The following FAM91A1 variants were observed in gnomAD, a reference collection of about 807,000 sequenced individuals.
The protein encoded by FAM91A1 is family with sequence similarity 91 member A1.
A neutral mutation model predicts 113.5 loss-of-function variants in FAM91A1; 41 were observed. The ratio of observed to expected loss-of-function variants is 0.36; its 90% CI spans 0.28 to 0.47. The LOEUF is 0.47. FAM91A1 is among the 20% of genes least tolerant of loss of function. The pLI is 1.00. For missense variants in FAM91A1, 696 were observed against 1,001.2 expected (o/e 0.70, Z 4.11); for synonymous variants, 307 against 347.9 (o/e 0.88, Z 1.31).
chr8:123,810,853 G>A (rs902622606), intron 23 of FAM91A1: 1 of 162,906 alleles, frequency 6.1e-6, no homozygotes, highest in African/African-American at 2.4e-5. Flanking sequence ...ATATTTTGGA[G>A]TTTTACTTCA....
chr8:123,774,559 CAT>C (rs1197345386), intron 2 of FAM91A1, among the ~76,000 whole-genome samples: 20 of 151,932 alleles, frequency 1.3e-4, no homozygotes, highest in Non-Finnish European at 2.4e-4. Context: ...ACATTTTAAA[CAT>C]AGTTCATTCC....
intron 8 of FAM91A1, among the ~76,000 whole-genome samples, chr8:123,784,265 CTG>C (rs1255626212): frequency 1.3e-5 from 2 of 152,164 alleles, no homozygotes; most frequent in Admixed American, 6.5e-5. Context: ...TAAATGAACT[CTG>C]TGGATTTCGT....
At chr8:123,795,601 T>C (rs1815498329) in intron 15 of FAM91A1, among the ~76,000 whole-genome samples, 1 of 152,216 alleles carries the variant, frequency 6.6e-6, no homozygotes, top group Non-Finnish European at 1.5e-5. Context: ...CATGAGCCAA[T>C]TAAACCTGTT....
intron 14 of FAM91A1, chr8:123,788,262 A>G (rs1372006408): frequency 1.0e-6 from 1 of 983,324 alleles, no homozygotes; most frequent in Non-Finnish European, 1.2e-6. Flanking sequence ...GTACAGCCCT[A>G]GTTTTCCTTA....
intron 3 of FAM91A1, among the ~76,000 whole-genome samples, chr8:123,776,773 A>G (rs1814993269): frequency 6.6e-6 from 1 of 152,204 alleles, no homozygotes; most frequent in African/African-American, 2.4e-5. Context: ...TATTGGAGAA[A>G]CAGATTGGGG....
rs1391097150 is a variant in FAM91A1 at position 123,785,015 on chromosome 8, A to G, written c.811-66A>G. On this transcript the variant is annotated intron_variant, in intron 9 of 23. Transcript: ENST00000334705. ...TTGCTGATTATGATTATATTGGTCT[A>G]TTACAACTGTGTAATGTGCTGTTAA... 4.0e-6 allele frequency: 5 copies of G among 1,239,378 alleles called. No homozygotes were observed. In the African/African-American group the frequency reaches 6.1e-5, roughly 15 times the overall value. The allele number at this position is 1,239,378 out of a possible 1,614,324, so 76.8% of individuals were successfully genotyped here.
chr8:123,798,594 C>T (rs1299990064), intron 16 of FAM91A1, among the ~76,000 whole-genome samples: 1 of 151,860 alleles, frequency 6.6e-6, no homozygotes, highest in Non-Finnish European at 1.5e-5. Context: ...CTGAATAAGC[C>T]GAAAAGAAAA....
At chr8:123,805,196 AT>A (rs1815772994) in intron 18 of FAM91A1, 70 bp from the exon 19 acceptor site, 2 of 1,201,438 alleles carry the variant, frequency 1.7e-6, no homozygotes, top group Non-Finnish European at 2.4e-6. Flanking sequence ...ACACAATCTT[AT>A]TTACTTTTGA....
rs536521793 is a variant in FAM91A1 at position 123,810,355 on chromosome 8, A to G, written c.2331+4A>G. 2.5e-6 allele frequency: 4 copies of G among 1,613,596 alleles called. No individual in the cohort carries two copies. Among genetic ancestry groups the G allele is most frequent in the Admixed American group, 3.3e-5 (2 of 59,964 alleles). On this transcript the variant is annotated splice_donor_region_variant and intron_variant, in intron 23 of 23. Coordinates refer to ENST00000334705, the MANE Select transcript of FAM91A1 (RefSeq NM_144963.4). ...TAACTTTGTTCACTCATTCCAGGTA[A>G]CAAAAACCAAAAAGTCCAAATGGTA... is the stretch of plus-strand genomic sequence containing the variant.
intron 16 of FAM91A1, 107 bp from the exon 17 acceptor site, chr8:123,799,413 A>G: frequency 1.1e-6 from 1 of 904,676 alleles, no homozygotes; most frequent in African/African-American, 1.7e-5. Flanking sequence ...TCTTGAGGAT[A>G]GTTGCAGTTA....
chr8:123,810,151 G>T, intron 22 of FAM91A1, 131 bp from the exon 23 acceptor site: 1 of 801,596 alleles, frequency 1.2e-6, no homozygotes, highest in Non-Finnish European at 1.9e-6. Flanking sequence ...CACTGAAATT[G>T]TTTTTTAAGA....
At chr8:123,773,183 T>G (rs746182013) in intron 1 of FAM91A1, among the ~76,000 whole-genome samples, 3 of 152,208 alleles carry the variant, frequency 2.0e-5, no homozygotes, top group Non-Finnish European at 4.4e-5. Flanking sequence ...AGATGTGAGT[T>G]TCATCTGTCT....
chr8:123,795,278 T>G (rs2130118455), intron 15 of FAM91A1, among the ~76,000 whole-genome samples: 1 of 152,312 alleles, frequency 6.6e-6, no homozygotes, highest in South Asian at 2.1e-4. Flanking sequence ...TTGATCTGTG[T>G]GTGTGTGTCC....
At chr8:123,793,505 T>C (rs1177746560) in intron 15 of FAM91A1, among the ~76,000 whole-genome samples, 1 of 152,252 alleles carries the variant, frequency 6.6e-6, no homozygotes, top group Non-Finnish European at 1.5e-5. Flanking sequence ...TAGTCATTAT[T>C]GTCTCTCAAT....
chr8:123,809,300 T>C (rs934660870), intron 22 of FAM91A1, among the ~76,000 whole-genome samples: 1 of 152,196 alleles, frequency 6.6e-6, no homozygotes. Flanking sequence ...CATGCTGATA[T>C]GGAGTATGAA....
chr8:123,788,193 C>A (rs911979404), intron 14 of FAM91A1: 1 of 985,070 alleles, frequency 1.0e-6, no homozygotes, highest in Non-Finnish European at 1.2e-6. Context: ...TCTCACTATC[C>A]CTTTTAGCAT....
intron 3 of FAM91A1, among the ~76,000 whole-genome samples, chr8:123,777,041 A>G (rs951447513): frequency 6.6e-5 from 10 of 152,156 alleles, no homozygotes. Context: ...ATTCGTAGAG[A>G]GCCTCTTAAG....
chr8:123,808,646 A>G, intron 21 of FAM91A1: 1 of 503,894 alleles, frequency 2.0e-6, no homozygotes, highest in Non-Finnish European at 3.5e-6. Context: ...GCAAATGACT[A>G]CTTTGAACAT....
intron 8 of FAM91A1, among the ~76,000 whole-genome samples, chr8:123,781,034 A>G: frequency 6.6e-6 from 1 of 152,300 alleles, no homozygotes; most frequent in South Asian, 2.1e-4. Flanking sequence ...GTATCAATTT[A>G]TTAAACCATT....
Sources: gnomAD v4.1 joint callset for allele counts (sites outside exome capture counted in the v4.1 genomes callset) on GRCh38, gnomAD v4.1.1 for gene constraint, MANE v1.5 for transcripts, NCBI Gene and HGNC (gene_info 2026-07-23, HGNC 2026-07-21) for gene names.